C12orf42: variants seen among roughly 807,000 people sequenced by gnomAD.
The protein encoded by C12orf42 is chromosome 12 open reading frame 42.
C12orf42 carries 25 observed loss-of-function variants against 21.6 expected under a neutral mutation model. The ratio of observed to expected loss-of-function variants is 1.16; its 90% CI spans 0.84 to 1.62. The LOEUF is 1.62. C12orf42 is among the 40% of genes most tolerant of loss of function. The pLI, the probability that C12orf42 is intolerant of heterozygous loss-of-function variation, is 0.00. For synonymous variants in C12orf42, 174 were observed against 175.0 expected, an observed-to-expected ratio of 0.99 and a Z score of 0.05; for missense variants, 483 against 459.3, an observed-to-expected ratio of 1.05 and a Z score of -0.47.
At chr12:103,172,364 C>T in the C12orf42 span, among the ~76,000 whole-genome samples, 2 of 151,974 alleles carry the variant, frequency 1.3e-5, no homozygotes, top group African/African-American at 4.8e-5. Context: ...ATGGAATGAG[C>T]CAGAGATGAG....
chr12:103,218,965 T>C, the C12orf42 span, among the ~76,000 whole-genome samples: 4 of 152,152 alleles, frequency 2.6e-5, no homozygotes, highest in South Asian at 8.3e-4. Flanking sequence ...GGGCCCTGGG[T>C]TTCAAGCACA....
At chr12:103,500,457 G>C (rs1332896653), upstream of C12orf42, among the ~76,000 whole-genome samples, 1 of 152,142 alleles carries the variant, frequency 6.6e-6, no homozygotes, top group Admixed American at 6.5e-5. Flanking sequence ...TGGGTAGAAG[G>C]CTTGTGACTT....
the C12orf42 span, among the ~76,000 whole-genome samples, chr12:103,070,489 CATAT>C: frequency 6.9e-6 from 1 of 144,870 alleles, no homozygotes; most frequent in African/African-American, 2.6e-5. Context: ...TACACATATA[CATAT>C]ATATACACAC....
chr12:103,095,736 T>A, the C12orf42 span, among the ~76,000 whole-genome samples: 1 of 152,196 alleles, frequency 6.6e-6, no homozygotes, highest in South Asian at 2.1e-4. Context: ...AGAGCTTAGA[T>A]CAATTCCTGA....
chr12:103,490,763 CTCTT>C (rs963978539), intron 1 of C12orf42, among the ~76,000 whole-genome samples: 10 of 151,618 alleles, frequency 6.6e-5, no homozygotes, highest in Non-Finnish European at 4.4e-5. Flanking sequence ...AAGTATCTAT[CTCTT>C]TCTAATTTAT....
In C12orf42 at chr12:103,291,578, G is replaced by A. The variant is rs368016218; in HGVS notation, n.338-14368C>T. On this transcript the variant is annotated intron_variant and non_coding_transcript_variant, in intron 4 of 6. Transcript: ENST00000546526. ...TACTTAATAGCTACTTCTTAATCAC[G>A]TGCTAAATAAGGGGTGAATTATTCA... is the stretch of plus-strand genomic sequence containing the variant. 1.2e-4 allele frequency among the ~76,000 whole-genome samples: 18 copies of A among 152,238 alleles called. No individual in the cohort carries two copies. In the East Asian group the frequency reaches 1.5e-3, roughly 13 times the overall value.
At chr12:103,073,418 T>G in the C12orf42 span, among the ~76,000 whole-genome samples, 1 of 152,200 alleles carries the variant, frequency 6.6e-6, no homozygotes. Flanking sequence ...TTCTTCTTTC[T>G]GTCTCCACTC....
the C12orf42 span, among the ~76,000 whole-genome samples, chr12:103,087,418 C>G: frequency 1.3e-5 from 2 of 152,194 alleles, no homozygotes; most frequent in East Asian, 3.8e-4. Context: ...GAGACATCCA[C>G]TTTGGATCCT....
At chr12:103,118,452 G>A in the C12orf42 span, among the ~76,000 whole-genome samples, 1 of 152,114 alleles carries the variant, frequency 6.6e-6, no homozygotes, top group African/African-American at 2.4e-5. Context: ...GATTCATATG[G>A]ACCTTTCACA....
At chr12:103,404,248 T>C (rs1197391174) in intron 2 of C12orf42, among the ~76,000 whole-genome samples, 1 of 152,158 alleles carries the variant, frequency 6.6e-6, no homozygotes, top group African/African-American at 2.4e-5. Context: ...ACCTTTACCT[T>C]GAACTTTTAA....
At chr12:103,362,209 G>T (rs1043238972) in intron 4 of C12orf42, among the ~76,000 whole-genome samples, 19 of 152,108 alleles carry the variant, frequency 1.2e-4, no homozygotes, top group African/African-American at 4.3e-4. Context: ...CTTATTACCA[G>T]CCTGGAGCCT....
At chr12:103,413,017 C>A (rs1047997560) in intron 2 of C12orf42, among the ~76,000 whole-genome samples, 1 of 152,108 alleles carries the variant, frequency 6.6e-6, no homozygotes, top group African/African-American at 2.4e-5. Context: ...GGAAACTTAG[C>A]CAAAACTTAT....
chr12:103,075,729 T>A, the C12orf42 span, among the ~76,000 whole-genome samples: 3 of 152,156 alleles, frequency 2.0e-5, no homozygotes, highest in African/African-American at 7.2e-5. Context: ...CCAGTAAGAA[T>A]GAAGTCTGGA....
At chr12:103,275,448 A>G (rs1217447507) in intron 5 of C12orf42, among the ~76,000 whole-genome samples, 1 of 152,176 alleles carries the variant, frequency 6.6e-6, no homozygotes, top group Non-Finnish European at 1.5e-5. Context: ...AATTAAATAT[A>G]TAACATCCTC....
intron 2 of C12orf42, among the ~76,000 whole-genome samples, chr12:103,409,123 T>C (rs1449757436): frequency 6.6e-6 from 1 of 152,198 alleles, no homozygotes; most frequent in Non-Finnish European, 1.5e-5. Flanking sequence ...TCACAAATCC[T>C]TAACTAACAT....
At chr12:103,210,223 T>C in the C12orf42 span, among the ~76,000 whole-genome samples, 1 of 152,248 alleles carries the variant, frequency 6.6e-6, no homozygotes, top group Non-Finnish European at 1.5e-5. Context: ...ATATGAGATA[T>C]TTACATTGTT....
chr12:103,451,174 C>A (rs2137485218), intron 2 of C12orf42, among the ~76,000 whole-genome samples: 1 of 151,984 alleles, frequency 6.6e-6, no homozygotes, highest in Admixed American at 6.6e-5. Flanking sequence ...TACCATTTGC[C>A]AAATGGAGAC....
chr12:103,513,787 T>C, the C12orf42 span, among the ~76,000 whole-genome samples: 2 of 152,104 alleles, frequency 1.3e-5, no homozygotes, highest in Admixed American at 1.3e-4. Context: ...TGCCAGGCAC[T>C]AGGACACAGC....
rs375232901 is a variant in C12orf42 at position 103,302,222 on chromosome 12, G to T, written c.969C>A (p.Pro323=). Residue 323 remains proline (P), a synonymous_variant, in exon 6 of 6, where the codon CCC becomes CCA. Transcript: ENST00000548883. ...PLLAGASTHF[P]SKRLIKVCSS... is the part of the protein sequence containing the mutation. ...AGCAAACCTTTATTAACCTCTTGGA[G>T]GGGAAATGGGTGGAAGCACCGGCCA... The T allele has an allele frequency of 1.2e-5, 19 of 1,612,154 alleles. No homozygotes were observed. The highest frequency in any genetic ancestry group is 1.6e-5 in the Non-Finnish European group (19 of 1,179,236).
Sources: allele counts gnomAD v4.1 joint callset (sites outside exome capture counted in the v4.1 genomes callset), GRCh38; gene constraint gnomAD v4.1.1; transcripts MANE v1.5; gene names NCBI Gene and HGNC (gene_info 2026-07-23, HGNC 2026-07-21).